Variants in NCLN observed in about 807,000 individuals in gnomAD.
NCLN encodes the protein nicalin.
Under a neutral mutation model 69.5 loss-of-function variants are expected in NCLN, and 34 were observed. That is an observed-to-expected ratio of 0.49 (90% confidence interval 0.37 to 0.65). NCLN has a LOEUF of 0.65. Among genes scored for constraint, NCLN ranks in the 30% least tolerant of loss-of-function variants. The pLI is 0.00. For missense variants in NCLN, 710 were observed against 804.8 expected (o/e 0.88, Z 1.42); for synonymous variants, 393 against 358.3 (o/e 1.10, Z -1.09).
intron 8 of NCLN, 106 bp downstream of exon 8, chr19:3,204,250 C>G (rs1916202169): frequency 3.1e-6 from 4 of 1,305,068 alleles, no homozygotes; most frequent in Non-Finnish European, 4.0e-6. Context: ...GCCCCTCAGG[C>G]TCTGAGGGCC....
In NCLN at chr19:3,206,361, C is replaced by T; in HGVS notation, c.1435C>T (p.Leu479=). The stretch of plus-strand genomic sequence containing the variant: ...CAAGGACAGCACCTTCCTCAGCACG[C>T]TGGAGCACCACCTGAGCCGCTACCT... ...VDKDSTFLST[L]EHHLSRYLKD... The change falls in exon 12 of 15, where the codon CTG becomes TTG. Residue 479 remains leucine (L), a synonymous_variant. Coordinates refer to ENST00000246117, the MANE Select transcript of NCLN (RefSeq NM_020170.4). 5 of 1,548,300 alleles carry T rather than the reference C, an allele frequency of 3.2e-6. No individual in the cohort carries two copies. Among genetic ancestry groups the T allele is most frequent in the Non-Finnish European group, 4.4e-6 (5 of 1,146,936 alleles).
chr19:3,205,907 A>T lies in NCLN; in HGVS notation c.1209-32A>T, dbSNP rs753095742. ...AGCTACCTTGCCTGGCCCAAAGTCC[A>T]CATTTTAAAACATTGTTTTTGAATC... On this transcript the variant is annotated intron_variant, in intron 9 of 14. Transcript: ENST00000246117. The surrounding 1 kb of genome is among the most constrained non-coding windows in gnomAD (Gnocchi z 4.6). 22 of 1,609,696 alleles carry T rather than the reference A, an allele frequency of 1.4e-5. No individual in the cohort carries two copies. The Admixed American group carries it at 3.7e-4, about 27-fold the overall frequency.
intron 1 of NCLN, among the ~76,000 whole-genome samples, chr19:3,189,243 G>A (rs903154168): frequency 3.3e-5 from 5 of 152,180 alleles, no homozygotes; most frequent in Admixed American, 3.3e-4. Flanking sequence ...TGAGCTTATG[G>A]CCCATGTGAG....
intron 5 of NCLN, among the ~76,000 whole-genome samples, chr19:3,200,694 CG>C (rs1916103816): frequency 6.6e-6 from 1 of 152,098 alleles, no homozygotes; most frequent in East Asian, 1.9e-4. Context: ...CAAAGTTGTA[CG>C]GTCTCCACCT....
chr19:3,192,230 C>T (rs1915843068), intron 1 of NCLN, among the ~76,000 whole-genome samples: 1 of 152,192 alleles, frequency 6.6e-6, no homozygotes, highest in Admixed American at 6.5e-5. Context: ...AGGTCTGAGA[C>T]CCAGGGTTCG....
Position 3,192,649 on chromosome 19 carries a change from G to A in NCLN, c.364G>A (p.Asp122Asn). 6.4e-7 allele frequency: 1 copy of A among 1,560,144 alleles called. No homozygotes were observed. The highest frequency in any genetic ancestry group is 1.4e-5 in the African/African-American group (1 of 72,390). Residue 122 changes from aspartate (D) to asparagine (N), a missense_variant, in exon 2 of 15, where the codon GAC (aspartate) becomes AAC (asparagine). Physicochemically the swap from Asp to Asn is conservative, Grantham distance 23. Coordinates refer to ENST00000246117, the MANE Select transcript of NCLN (RefSeq NM_020170.4). ...LPRAMAAVPQ[D>N]VVRQFMEIEP... is the part of the protein sequence containing the mutation. ...CAGGGCCATGGCCGCCGTGCCCCAG[G>A]ACGTCGTCCGGGTGAGCGTCTGCCC...
intron 6 of NCLN, 24 bp downstream of exon 6, chr19:3,201,650 G>A: frequency 5.5e-6 from 4 of 726,780 alleles, no homozygotes; most frequent in South Asian, 1.5e-5. Context: ...TGGGCAGGGG[G>A]ATGGGGGTGC....
At chr19:3,195,326 T>G (rs978694185) in intron 3 of NCLN, among the ~76,000 whole-genome samples, 1 of 151,758 alleles carries the variant, frequency 6.6e-6, no homozygotes, top group Non-Finnish European at 1.5e-5. Flanking sequence ...CTCGGCTCAC[T>G]GCAAGCTCCA....
Position 3,207,801 on chromosome 19 carries a change from C to A in NCLN, c.*113C>A. 1 of 841,826 alleles carries A rather than the reference C, an allele frequency of 1.2e-6. No homozygotes were observed. Among genetic ancestry groups the A allele is most frequent in the Non-Finnish European group, 2.0e-6 (1 of 506,698 alleles). 52.1% of individuals were successfully genotyped at this position (841,826 alleles called of 1,614,324 possible). A position where few individuals can be genotyped will look rare whatever the true frequency, so the allele number is the denominator to read the frequency against. ...GCCCTGCAGGGACAGGGGCCCTCTC[C>A]CTCCCCGGCGGTGGTTGGAACACTG... On this transcript the variant is annotated 3_prime_UTR_variant, in exon 15 of 15. Coordinates refer to ENST00000246117, the MANE Select transcript of NCLN (RefSeq NM_020170.4).
At position 3,192,544 on chromosome 19, in the gene NCLN, A is replaced by T. The variant is rs1425496420; in HGVS notation, c.259A>T (p.Met87Leu). Residue 87 changes from methionine to leucine, a missense_variant, in exon 2 of 15, where the codon ATG becomes TTG. Physicochemically the swap from Met to Leu is conservative, Grantham distance 15. Coordinates refer to ENST00000246117, the MANE Select transcript of NCLN (RefSeq NM_020170.4). ...AEVLSRRCVL[M>L]RLLDFSYEQY... ...GGTGCTGAGCCGCCGCTGCGTGCTCATGCGGCTACTGGACTTCTCCTACGA... is the reference window on the plus strand; with the variant it reads ...GGTGCTGAGCCGCCGCTGCGTGCTCTTGCGGCTACTGGACTTCTCCTACGA... The T allele has an allele frequency of 3.7e-6, 6 of 1,609,956 alleles. No homozygotes were observed. The Admixed American group carries it at 8.4e-5, about 22-fold the overall frequency.
rs1916314462 is a variant in NCLN at position 3,207,813 on chromosome 19, T to C, written c.*125T>C. ...CAGGGGCCCTCTCCCTCCCCGGCGG[T>C]GGTTGGAACACTGAATTACAGAGCT... is the stretch of plus-strand genomic sequence containing the variant. On this transcript the variant is annotated 3_prime_UTR_variant, in exon 15 of 15. Transcript: ENST00000246117. 1.3e-6 allele frequency: 1 copy of C among 741,146 alleles called. No individual in the cohort carries two copies. 45.9% of individuals were successfully genotyped at this position (741,146 alleles called of 1,614,324 possible). A position where few individuals can be genotyped will look rare whatever the true frequency, so the allele number is the denominator to read the frequency against.
At chr19:3,186,439 G>A (rs1391119937) in intron 1 of NCLN, among the ~76,000 whole-genome samples, 3 of 151,684 alleles carry the variant, frequency 2.0e-5, no homozygotes, top group Non-Finnish European at 4.4e-5. Context: ...CACAGCCCCC[G>A]GCCCCTGCCT....
intron 1 of NCLN, among the ~76,000 whole-genome samples, chr19:3,187,946 G>T (rs1915712004): frequency 6.6e-6 from 1 of 152,138 alleles, no homozygotes; most frequent in Admixed American, 6.5e-5. Context: ...CCTGGCACAG[G>T]AGCCAGCAGC....
At chr19:3,193,591 A>G (rs1915886527) in intron 3 of NCLN, among the ~76,000 whole-genome samples, 163 bp downstream of exon 3, 1 of 152,186 alleles carries the variant, frequency 6.6e-6, no homozygotes, top group Non-Finnish European at 1.5e-5. Flanking sequence ...GACCTGCTAC[A>G]TCACCACCTC....
At chr19:3,201,992 A>G (rs1158015441) in intron 6 of NCLN, among the ~76,000 whole-genome samples, 1 of 152,150 alleles carries the variant, frequency 6.6e-6, no homozygotes, top group Non-Finnish European at 1.5e-5. Flanking sequence ...GGCGCTGAGC[A>G]GCATCCCTGC....
At chr19:3,204,821 C>T (rs1401039896) in intron 9 of NCLN, 70 bp downstream of exon 9, 1 of 1,358,880 alleles carries the variant, frequency 7.4e-7, no homozygotes, top group Non-Finnish European at 9.5e-7. Context: ...GTCGCAACTG[C>T]AGAGGCCATG....
At position 3,192,554 on chromosome 19, in the gene NCLN, T is replaced by G; in HGVS notation, c.269T>G (p.Leu90Arg). The G allele has an allele frequency of 6.2e-7, 1 of 1,610,162 alleles. No individual in the cohort carries two copies. The highest frequency in any genetic ancestry group is 8.5e-7 in the Non-Finnish European group (1 of 1,178,746). Reference protein sequence around the residue: ...LSRRCVLMRLLDFSYEQYQKA... With the variant: ...LSRRCVLMRLRDFSYEQYQKA... ...CGCCGCTGCGTGCTCATGCGGCTAC[T>G]GGACTTCTCCTACGAGCAGTACCAG... The change falls in exon 2 of 15, where the codon CTG becomes CGG. Residue 90 changes from leucine to arginine, a missense_variant. Leu to Arg is a moderately radical substitution (Grantham distance 102). Transcript: ENST00000246117.
At chr19:3,207,605 C>G in intron 14 of NCLN, 24 bp from the exon 15 acceptor site, 3 of 1,612,172 alleles carry the variant, frequency 1.9e-6, no homozygotes, top group Non-Finnish European at 2.5e-6. Flanking sequence ...CCCACATCCT[C>G]ACTCCCTCCT....
chr19:3,189,577 G>A (rs1054552300), intron 1 of NCLN, among the ~76,000 whole-genome samples: 2 of 152,248 alleles, frequency 1.3e-5, no homozygotes, highest in African/African-American at 2.4e-5. Context: ...GTCCTGTCAC[G>A]CCAACTGGTG....
Sources: gnomAD v4.1 joint callset for allele counts (sites outside exome capture counted in the v4.1 genomes callset) on GRCh38, gnomAD v4.1.1 for gene constraint, Gnocchi (gnomAD v3.1) non-coding constraint, MANE v1.5 for transcripts, NCBI Gene and HGNC (gene_info 2026-07-23, HGNC 2026-07-21) for gene names.